The following TMTC1 variants were observed in gnomAD, a reference collection of about 807,000 sequenced individuals.
The protein encoded by TMTC1 is transmembrane O-mannosyltransferase targeting cadherins 1.
In TMTC1, 73 loss-of-function variants were observed where a neutral mutation model predicts 104.8. That is an observed-to-expected ratio of 0.70 (90% confidence interval 0.58 to 0.85). TMTC1 has a LOEUF of 0.85. Ranked by LOEUF, TMTC1 falls within the 40% of genes least tolerant of loss-of-function variation. The pLI is 0.00. For synonymous variants in TMTC1, 434 were observed against 428.7 expected (o/e 1.01, Z -0.15); for missense variants, 1,035 against 1,096.1 (o/e 0.94, Z 0.79).
chr12:29,517,627 T>A, intron 13 of TMTC1, 56 bp from the exon 14 acceptor site: 1 of 1,603,336 alleles, frequency 6.2e-7, no homozygotes, highest in Non-Finnish European at 8.5e-7. Context: ...CATTTCCAAA[T>A]GTCTAGGCTT....
At chr12:29,699,648 G>GTTT (rs1565778277) in intron 5 of TMTC1, among the ~76,000 whole-genome samples, 2 of 128,528 alleles carry the variant, frequency 1.6e-5, no homozygotes, top group African/African-American at 5.8e-5. Context: ...TTCATCTGGT[G>GTTT]CTTTTTTTTT....
intron 10 of TMTC1, among the ~76,000 whole-genome samples, chr12:29,541,836 T>A (rs1364385506): frequency 1.3e-5 from 2 of 152,018 alleles, no homozygotes; most frequent in Non-Finnish European, 2.9e-5. Context: ...CTTTTGTATT[T>A]TTAGGAGAGA....
Position 29,520,863 on chromosome 12 carries a change from A to T in TMTC1, c.1786-143T>A, listed in dbSNP as rs181973080. On this transcript the variant is annotated intron_variant, in intron 11 of 17. Coordinates refer to ENST00000539277, the MANE Select transcript of TMTC1 (RefSeq NM_001193451.2). ...CAACAGGCTACTGAGATAAGGCACTATGAACTTTGTTTGAATTAAAGGCAA... is the reference window on the plus strand; with the variant it reads ...CAACAGGCTACTGAGATAAGGCACTTTGAACTTTGTTTGAATTAAAGGCAA... 6.5e-4 allele frequency: 414 copies of T among 638,002 alleles called. 1 individual carries two copies. The highest frequency in any genetic ancestry group is 1.7e-3 in the Admixed American group (57 of 33,798). 39.5% of individuals were successfully genotyped at this position (638,002 alleles called of 1,614,324 possible).
chr12:29,577,080 T>C (rs1945844770), intron 8 of TMTC1, among the ~76,000 whole-genome samples: 1 of 152,204 alleles, frequency 6.6e-6, no homozygotes, highest in Non-Finnish European at 1.5e-5. Flanking sequence ...ATGCCCAATG[T>C]TGGCACCAGC....
intron 5 of TMTC1, chr12:29,666,408 T>C (rs922388061): frequency 3.0e-6 from 1 of 336,638 alleles, no homozygotes; most frequent in African/African-American, 2.3e-5. Context: ...GTTGTTGTTG[T>C]ATTTTTAGTA....
chr12:29,572,140 G>T lies in TMTC1; in HGVS notation c.1497C>A (p.Asn499Lys). ...TTCTGTAGTGGTAGATCGCTTCCTT[G>T]TTCCGACCTTGGTCCTTCAGGAAAT... ...YANFLKDQGR[N>K]KEAIYHYRTA... Residue 499 changes from asparagine (N) to lysine (K), a missense_variant, in exon 9 of 18, where the codon AAC (asparagine) becomes AAA (lysine). Coordinates refer to ENST00000539277, the MANE Select transcript of TMTC1 (RefSeq NM_001193451.2). The T allele has an allele frequency of 1.2e-6, 2 of 1,614,002 alleles. No homozygotes were observed. Among genetic ancestry groups the T allele is most frequent in the Non-Finnish European group, 1.7e-6 (2 of 1,179,870 alleles).
intron 5 of TMTC1, among the ~76,000 whole-genome samples, chr12:29,670,495 G>A (rs569466989): frequency 1.1e-3 from 162 of 152,332 alleles, no homozygotes; most frequent in Non-Finnish European, 1.9e-3. Flanking sequence ...AATTCAGTCT[G>A]TGCCCTTAAT....
At chr12:29,581,901 AT>A (rs773333515) in intron 8 of TMTC1, among the ~76,000 whole-genome samples, 16 of 152,154 alleles carry the variant, frequency 1.1e-4, no homozygotes, top group Non-Finnish European at 2.4e-4. Flanking sequence ...GTCTGTGAGA[AT>A]CGTGTTTAAT....
chr12:29,604,227 A>C lies in TMTC1; in HGVS notation c.1201T>G (p.Phe401Val). 1.9e-6 allele frequency: 3 copies of C among 1,613,972 alleles called. No homozygotes were observed. The highest frequency in any genetic ancestry group is 2.5e-6 in the Non-Finnish European group (3 of 1,179,902). The change falls in exon 7 of 18, where the codon TTC becomes GTC. Residue 401 changes from phenylalanine to valine, a missense_variant. Phe to Val is a conservative substitution (Grantham distance 50). Coordinates refer to ENST00000539277, the MANE Select transcript of TMTC1 (RefSeq NM_001193451.2). The part of the protein sequence containing the change: ...VFPFIPASNL[F>V]FRVGFVVAER... ...GCCACCACAAAACCCACCCTGAAGA[A>C]GAGGTTGCTGGCTGGAATGAACGGG...
chr12:29,564,140 G>A (rs569629007), intron 9 of TMTC1, among the ~76,000 whole-genome samples: 1 of 152,212 alleles, frequency 6.6e-6, no homozygotes, highest in South Asian at 2.1e-4. Flanking sequence ...GCAGAGAATG[G>A]AAAGGAGGAA....
At chr12:29,602,890 A>C (rs1946604673) in intron 7 of TMTC1, among the ~76,000 whole-genome samples, 1 of 152,192 alleles carries the variant, frequency 6.6e-6, no homozygotes. Context: ...TATCAAATGA[A>C]GAATGATTCC....
At chr12:29,696,521 T>G (rs1219118374) in intron 5 of TMTC1, among the ~76,000 whole-genome samples, 13 of 152,112 alleles carry the variant, frequency 8.5e-5, no homozygotes, top group Non-Finnish European at 2.9e-5. Flanking sequence ...CAGAGGAAAA[T>G]TAAATGAAAT....
In TMTC1 at chr12:29,783,823, G is replaced by GC. The variant is rs1943897415; in HGVS notation, c.-73_-72insG. On this transcript the variant is annotated 5_prime_UTR_variant, in exon 1 of 18. Transcript: ENST00000539277. The surrounding 1 kb of genome is among the most constrained non-coding windows in gnomAD (Gnocchi z 4.7). ...CATCCTCCCCTACCGGGGCCCCGGC[G>GC]GCGCGCGGCGTCTGCCCGGAGGGGG... The GC allele has an allele frequency of 2.7e-6, 3 of 1,098,270 alleles. No individual in the cohort carries two copies. The African/African-American group carries it at 5.0e-5, about 18-fold the overall frequency. The allele number at this position is 1,098,270 out of a possible 1,614,324, so 68.0% of individuals were successfully genotyped here.
intron 5 of TMTC1, among the ~76,000 whole-genome samples, chr12:29,668,258 G>A (rs1940360603): frequency 6.6e-6 from 1 of 152,152 alleles, no homozygotes; most frequent in Middle Eastern, 3.2e-3. Context: ...GAGGCCTGGT[G>A]AAGGCCTTCT....
chr12:29,711,061 C>G (rs925760229), intron 5 of TMTC1, among the ~76,000 whole-genome samples: 1 of 150,288 alleles, frequency 6.7e-6, no homozygotes, highest in African/African-American at 2.5e-5. Context: ...TAGCTCACTG[C>G]AGCCTCAAAC....
chr12:29,697,655 G>C (rs951163849), intron 5 of TMTC1, among the ~76,000 whole-genome samples: 1 of 152,144 alleles, frequency 6.6e-6, no homozygotes, highest in Non-Finnish European at 1.5e-5. Context: ...AAGGACTGGC[G>C]GGCCAAAGAC....
At chr12:29,644,972 T>C (rs2136571010) in intron 5 of TMTC1, among the ~76,000 whole-genome samples, 1 of 152,246 alleles carries the variant, frequency 6.6e-6, no homozygotes, top group Non-Finnish European at 1.5e-5. Flanking sequence ...GGGTGTCCCA[T>C]TGCACTGGGG....
chr12:29,781,862 A>C (rs757000065), intron 1 of TMTC1, among the ~76,000 whole-genome samples: 26 of 152,152 alleles, frequency 1.7e-4, no homozygotes, highest in Non-Finnish European at 2.9e-4. Flanking sequence ...GACAGAGAAA[A>C]AAGAAGAAAA....
intron 5 of TMTC1, among the ~76,000 whole-genome samples, chr12:29,676,808 T>C (rs528388827): frequency 4.4e-4 from 67 of 152,276 alleles, no homozygotes; most frequent in African/African-American, 1.5e-3. Flanking sequence ...AATGAAGCAT[T>C]TTGTGGGCAT....
Sources: allele counts gnomAD v4.1 joint callset (sites outside exome capture counted in the v4.1 genomes callset), GRCh38; gene constraint gnomAD v4.1.1; non-coding constraint Gnocchi (gnomAD v3.1); transcripts MANE v1.5; gene names NCBI Gene and HGNC (gene_info 2026-07-23, HGNC 2026-07-21).